The following RNF213 variants were observed in gnomAD, a reference collection of about 807,000 sequenced individuals.
The protein encoded by RNF213 is ring finger protein 213.
RNF213 carries 341 observed loss-of-function variants against 514.4 expected under a neutral mutation model. That is an observed-to-expected ratio of 0.66 (90% CI 0.61 to 0.73). The LOEUF (loss-of-function observed/expected upper bound fraction) is 0.73, where lower values mean the gene tolerates loss of function less well. Ranked by LOEUF, RNF213 falls within the 30% of genes least tolerant of loss-of-function variation. RNF213 has a pLI of 0.00. For missense variants in RNF213, 5,767 were observed against 6,615.6 expected (o/e 0.87, Z 4.45); for synonymous variants, 2,655 against 2,658.2 (o/e 1.00, Z 0.04).
At chr17:80,319,653 C>T in intron 17 of RNF213, 1 of 1,496,270 alleles carries the variant, frequency 6.7e-7, no homozygotes, top group Non-Finnish European at 8.9e-7. Flanking sequence ...ATTGTTAACA[C>T]TTGCTCAGTA....
In RNF213 at chr17:80,375,997, T is replaced by C. The variant is rs1044210557; in HGVS notation, c.13185+127T>C. Reference sequence around the variant, plus strand: ...TATCTAGGATAGAGGTTCTCAACCTTGTTATGTGGAGGAACACATAACCAA... The same window carrying C: ...TATCTAGGATAGAGGTTCTCAACCTCGTTATGTGGAGGAACACATAACCAA... On this transcript the variant is annotated intron_variant, in intron 51 of 67. Coordinates refer to ENST00000582970, the MANE Select transcript of RNF213 (RefSeq NM_001256071.3). 1.2e-5 allele frequency: 10 copies of C among 815,970 alleles called. No homozygotes were observed. The African/African-American group carries it at 1.5e-4, about 12-fold the overall frequency. The allele number at this position is 815,970 out of a possible 1,614,324, so 50.5% of individuals were successfully genotyped here. A position where few individuals can be genotyped will look rare whatever the true frequency, so the allele number is the denominator to read the frequency against.
chr17:80,297,918 G>T (rs1453140803), intron 10 of RNF213, among the ~76,000 whole-genome samples: 1 of 152,160 alleles, frequency 6.6e-6, no homozygotes, highest in Non-Finnish European at 1.5e-5. Flanking sequence ...CCACCGCGCT[G>T]CCTTGATGAC....
chr17:80,321,692 A>G (rs2046140618), intron 17 of RNF213, among the ~76,000 whole-genome samples: 1 of 152,150 alleles, frequency 6.6e-6, no homozygotes, highest in South Asian at 2.1e-4. Flanking sequence ...GATTCTAGCC[A>G]TCCTGGTGGG....
chr17:80,288,400 T>TGAGCCCTCGGCACC lies in RNF213; in HGVS notation c.810+38_810+51dup, dbSNP rs773448503. The TGAGCCCTCGGCACC allele has an allele frequency of 3.1e-5, 50 of 1,609,108 alleles. No individual in the cohort carries two copies. The highest frequency in any genetic ancestry group is 3.9e-5 in the Non-Finnish European group (46 of 1,179,386). On this transcript the variant is annotated intron_variant, in intron 4 of 67. Coordinates refer to ENST00000582970, the MANE Select transcript of RNF213 (RefSeq NM_001256071.3). This position sits in a 1 kb window ranked among gnomAD's most constrained non-coding sequence, Gnocchi z 4.9. ...GGGAGAGATGGCCTGGGAGTGGCACTGAGCCCTCGGCACCTGGGCTCTGCT... is the reference window on the plus strand; with the variant it reads ...GGGAGAGATGGCCTGGGAGTGGCACTGAGCCCTCGGCACCGAGCCCTCGGCACCTGGGCTCTGCT...
Position 80,327,887 on chromosome 17 carries a change from T to C in RNF213, c.3265T>C (p.Leu1089=). 2 of 1,537,264 alleles carry C rather than the reference T, an allele frequency of 1.3e-6. No homozygotes were observed. Among genetic ancestry groups the C allele is most frequent in the Non-Finnish European group, 1.7e-6 (2 of 1,146,914 alleles). The change falls in exon 19 of 68, where the codon TTG becomes CTG. Residue 1089 remains leucine, a synonymous_variant. Coordinates refer to ENST00000582970, the MANE Select transcript of RNF213 (RefSeq NM_001256071.3). ...KRLIAVADSV[L]TKVVGDLLSG... is the part of the protein sequence containing the mutation. Reference sequence around the variant, plus strand: ...GCTGATAGCTGTTGCCGACTCTGTGTTGACGAAAGTTGTTGGTGACCTCCT... The same window carrying C: ...GCTGATAGCTGTTGCCGACTCTGTGCTGACGAAAGTTGTTGGTGACCTCCT...
chr17:80,343,418 G>T lies in RNF213; in HGVS notation c.6183+93G>T. 1 of 1,095,930 alleles carries T rather than the reference G, an allele frequency of 9.1e-7. No individual in the cohort carries two copies. Among genetic ancestry groups the T allele is most frequent in the Middle Eastern group, 2.9e-4 (1 of 3,500 alleles). 67.9% of individuals were successfully genotyped at this position (1,095,930 alleles called of 1,614,324 possible). On this transcript the variant is annotated intron_variant, in intron 27 of 67. Coordinates refer to ENST00000582970, the MANE Select transcript of RNF213 (RefSeq NM_001256071.3). The surrounding 1 kb of genome is among the most constrained non-coding windows in gnomAD (Gnocchi z 4.3). ...CTCCTCCCCGTGTATAGAATTCCTT[G>T]TTTCCACACGCACAGTCCTGTGAAG... is the stretch of plus-strand genomic sequence containing the variant.
chr17:80,388,284 T>C (rs2080319005), intron 63 of RNF213, among the ~76,000 whole-genome samples: 1 of 152,362 alleles, frequency 6.6e-6, no homozygotes, highest in South Asian at 2.1e-4. Context: ...TGCCTGTGCA[T>C]GGTCTGTGCC....
chr17:80,349,676 C>A, intron 29 of RNF213, 94 bp from the exon 30 acceptor site: 1 of 1,370,076 alleles, frequency 7.3e-7, no homozygotes, highest in Non-Finnish European at 1.0e-6. Flanking sequence ...CCGCGCTGAA[C>A]ATCGCAGGTT....
At chr17:80,335,644 A>G (rs2077966802) in intron 22 of RNF213, among the ~76,000 whole-genome samples, 1 of 152,200 alleles carries the variant, frequency 6.6e-6, no homozygotes, top group Admixed American at 6.5e-5. Context: ...GGACATTGAA[A>G]TTGCTCAGGA....
chr17:80,339,907 T>C lies in RNF213; in HGVS notation c.5540T>C (p.Val1847Ala). 2.6e-6 allele frequency: 4 copies of C among 1,536,920 alleles called. No homozygotes were observed. The highest frequency in any genetic ancestry group is 3.5e-6 in the Non-Finnish European group (4 of 1,146,888). Residue 1847 changes from valine (V) to alanine (A), a missense_variant, in exon 26 of 68, where the codon GTC becomes GCC. This residue lies in a region of RNF213 where 1,377 missense variants were observed against 1,635.2 expected (regional missense o/e 0.84). Transcript: ENST00000582970. ...HSEVLPAALA[V>A]YMQTPSQPLP... ...GAGGTGTTGCCAGCCGCCCTGGCTG[T>C]CTACATGCAAACCCCAAGCCAGCCC...
chr17:80,278,500 C>T (rs563637663), intron 3 of RNF213, among the ~76,000 whole-genome samples: 14 of 152,328 alleles, frequency 9.2e-5, no homozygotes, highest in Middle Eastern at 3.4e-3. Flanking sequence ...GGCAGGGTGC[C>T]GCCTCTGGTG....
Position 80,291,781 on chromosome 17 carries a change from C to T in RNF213, c.1425C>T (p.Tyr475=), listed in dbSNP as rs779235676. The stretch of plus-strand genomic sequence containing the variant: ...AGCACCAGCAGAAGAAGGGCGAGTA[C>T]GTCAACCGCTGTCTGTTCATAAAAT... The part of the protein sequence containing the change: ...IYKHQQKKGE[Y]VNRCLFIKSS... Residue 475 remains tyrosine (Y), a synonymous_variant, in exon 8 of 68, where the codon TAC becomes TAT. Coordinates refer to ENST00000582970, the MANE Select transcript of RNF213 (RefSeq NM_001256071.3). 72 of 1,614,078 alleles carry T rather than the reference C, an allele frequency of 4.5e-5. No individual in the cohort carries two copies. The Admixed American group carries it at 6.5e-4, about 15-fold the overall frequency.
chr17:80,308,252 T>C (rs1239570472), intron 13 of RNF213, among the ~76,000 whole-genome samples: 1 of 152,076 alleles, frequency 6.6e-6, no homozygotes, highest in Non-Finnish European at 1.5e-5. Context: ...ATCCAGCACC[T>C]GTGACTTGAG....
chr17:80,356,682 C>A (rs1324956155), intron 36 of RNF213, among the ~76,000 whole-genome samples: 1 of 152,250 alleles, frequency 6.6e-6, no homozygotes, highest in African/African-American at 2.4e-5. Flanking sequence ...CTCGGCGGCT[C>A]CCGCCTCTCC....
rs2080655766 is a variant in RNF213 at position 80,396,163 on chromosome 17, G to C, written c.*2665G>C. 1 of 152,226 alleles carries C rather than the reference G, an allele frequency of 6.6e-6. No individual in the cohort carries two copies. The highest frequency in any genetic ancestry group is 1.5e-5 in the Non-Finnish European group (1 of 68,076). 9.4% of individuals were successfully genotyped at this position (152,226 alleles called of 1,614,324 possible). ...TGTAATCCCAGCTACCTGGGAGGCT[G>C]AGGTATGAGGATTGCTTGAGCCTGG... On this transcript the variant is annotated 3_prime_UTR_variant, in exon 68 of 68. Transcript: ENST00000582970.
At chr17:80,290,808 A>AT in intron 7 of RNF213, 80 bp downstream of exon 7, 60 of 1,550,212 alleles carry the variant, frequency 3.9e-5, no homozygotes, top group Middle Eastern at 1.8e-4. Flanking sequence ...GTTTAAAAAA[A>AT]TTTTGTTTTT....
At chr17:80,381,146 C>G in intron 56 of RNF213, 159 bp downstream of exon 56, 1 of 809,786 alleles carries the variant, frequency 1.2e-6, no homozygotes, top group South Asian at 1.4e-5. Context: ...ATGTTTCCCC[C>G]TGTGGCGTAT....
rs1478037487 is a variant in RNF213, at chr17:80,331,915, A to G, written c.3518-91A>G. The G allele has an allele frequency of 1.5e-5, 22 of 1,420,092 alleles. No individual in the cohort carries two copies. In the East Asian group the frequency reaches 5.5e-4, roughly 35 times the overall value. The allele number at this position is 1,420,092 out of a possible 1,614,324, so 88.0% of individuals were successfully genotyped here. A position where few individuals can be genotyped will look rare whatever the true frequency, so the allele number is the denominator to read the frequency against. On this transcript the variant is annotated intron_variant, in intron 20 of 67. Transcript: ENST00000582970. ...GCTGTGTGCTCTTGAGTTCGCTCAG[A>G]GAAGTGAGGAGAGAAAGTCTTAGGA...
intron 17 of RNF213, chr17:80,319,905 A>G (rs2046081748): frequency 9.4e-7 from 1 of 1,066,658 alleles, no homozygotes; most frequent in Admixed American, 4.9e-5. Flanking sequence ...CCTTGCGGCC[A>G]CAGGGGAAGT....
Sources: allele counts gnomAD v4.1 joint callset (sites outside exome capture counted in the v4.1 genomes callset), GRCh38; gene constraint gnomAD v4.1.1; regional missense constraint gnomAD v4.1.1; non-coding constraint Gnocchi (gnomAD v3.1); transcripts MANE v1.5; gene names NCBI Gene and HGNC (gene_info 2026-07-23, HGNC 2026-07-21).